The following NRG3 variants were observed in gnomAD, a reference collection of about 807,000 sequenced individuals.
NRG3 encodes the protein neuregulin 3.
A neutral mutation model predicts 66.9 loss-of-function variants in NRG3; 31 were observed. The ratio of observed to expected loss-of-function variants is 0.46; its 90% CI spans 0.35 to 0.63. The LOEUF (loss-of-function observed/expected upper bound fraction) is 0.63, where lower values mean the gene tolerates loss of function less well. Among genes scored for constraint, NRG3 ranks in the 20% least tolerant of loss-of-function variants. The pLI is 0.00. For missense variants in NRG3, 910 were observed against 878.9 expected (o/e 1.04, Z -0.45); for synonymous variants, 393 against 359.4 (o/e 1.09, Z -1.06).
chr10:82,376,980 T>A (rs2085283060), intron 2 of NRG3, among the ~76,000 whole-genome samples: 1 of 152,194 alleles, frequency 6.6e-6, no homozygotes, highest in South Asian at 2.1e-4. Context: ...ATGAATATGT[T>A]CATGACTCTT....
chr10:82,535,984 C>A (rs1847776408), intron 2 of NRG3, among the ~76,000 whole-genome samples: 1 of 150,062 alleles, frequency 6.7e-6, no homozygotes, highest in African/African-American at 2.5e-5. Flanking sequence ...CTTATTTCAT[C>A]CTGGACAATC....
intron 2 of NRG3, among the ~76,000 whole-genome samples, chr10:82,730,016 G>A (rs2057811005): frequency 1.3e-5 from 2 of 151,642 alleles, no homozygotes; most frequent in Admixed American, 1.3e-4. Flanking sequence ...TGATGAATTG[G>A]CCTCCATCTA....
intron 3 of NRG3, among the ~76,000 whole-genome samples, chr10:82,858,601 T>G (rs2063938629): frequency 6.6e-6 from 1 of 152,216 alleles, no homozygotes; most frequent in Non-Finnish European, 1.5e-5. Flanking sequence ...ATGGACTACC[T>G]CTACCTGGAG....
intron 1 of NRG3, among the ~76,000 whole-genome samples, chr10:81,906,737 A>C (rs1179557091): frequency 6.6e-6 from 1 of 152,168 alleles, no homozygotes; most frequent in Non-Finnish European, 1.5e-5. Context: ...CTTGTGTAGA[A>C]AATAGACGAG....
intron 2 of NRG3, among the ~76,000 whole-genome samples, chr10:82,698,272 A>G (rs1565213941): frequency 6.6e-6 from 1 of 152,126 alleles, no homozygotes; most frequent in Admixed American, 6.6e-5. Flanking sequence ...TGCTGACTTG[A>G]TCATGAGAAA....
intron 6 of NRG3, among the ~76,000 whole-genome samples, chr10:82,963,741 G>T (rs112104686): frequency 1.3e-5 from 2 of 152,284 alleles, no homozygotes; most frequent in African/African-American, 2.4e-5. Flanking sequence ...CTTATCCATG[G>T]TTCTTTTTAT....
chr10:82,397,023 A>T (rs2086758770), intron 2 of NRG3, among the ~76,000 whole-genome samples: 1 of 152,154 alleles, frequency 6.6e-6, no homozygotes. Flanking sequence ...CTCCAATGTC[A>T]GGAGAACTGC....
At chr10:82,655,752 A>G (rs1322654401) in intron 2 of NRG3, among the ~76,000 whole-genome samples, 1 of 152,220 alleles carries the variant, frequency 6.6e-6, no homozygotes, top group African/African-American at 2.4e-5. Context: ...AACTAGATCA[A>G]TTATCATGTG....
intron 1 of NRG3, among the ~76,000 whole-genome samples, chr10:82,155,793 T>A (rs1445880757): frequency 6.6e-6 from 1 of 151,728 alleles, no homozygotes; most frequent in African/African-American, 2.4e-5. Context: ...ATTCATTTAA[T>A]TTTCAATATT....
chr10:82,116,833 G>T (rs368519657), intron 1 of NRG3, among the ~76,000 whole-genome samples: 26 of 152,228 alleles, frequency 1.7e-4, no homozygotes, highest in African/African-American at 4.6e-4. Context: ...GATTTGAGGA[G>T]CTACTTCCAG....
chr10:82,816,025 G>T (rs1204358532), intron 3 of NRG3, among the ~76,000 whole-genome samples: 1 of 152,228 alleles, frequency 6.6e-6, no homozygotes, highest in Non-Finnish European at 1.5e-5. Flanking sequence ...ATCTGGACGA[G>T]AGGAACATGG....
intron 1 of NRG3, among the ~76,000 whole-genome samples, chr10:81,912,989 T>C (rs532906352): frequency 1.1e-3 from 163 of 152,348 alleles, no homozygotes; most frequent in Middle Eastern, 3.4e-3. Flanking sequence ...AAATCCATTG[T>C]GTAAACTTAG....
chr10:82,251,841 G>A (rs1314614450), intron 1 of NRG3, among the ~76,000 whole-genome samples: 1 of 152,126 alleles, frequency 6.6e-6, no homozygotes, highest in African/African-American at 2.4e-5. Context: ...CTTTCTGGCA[G>A]TGCAATCTCC....
At chr10:82,897,943 A>G (rs1008840385) in intron 4 of NRG3, among the ~76,000 whole-genome samples, 8 of 152,234 alleles carry the variant, frequency 5.3e-5, no homozygotes, top group African/African-American at 1.9e-4. Context: ...TACTATTAAT[A>G]TATGTTCACT....
chr10:82,243,342 G>A (rs1408982625), intron 1 of NRG3, among the ~76,000 whole-genome samples: 1 of 152,006 alleles, frequency 6.6e-6, no homozygotes, highest in African/African-American at 2.4e-5. Flanking sequence ...ATTTCTAATA[G>A]CAGAAAATAA....
chr10:81,936,295 G>A (rs1047487307), intron 1 of NRG3, among the ~76,000 whole-genome samples: 2 of 152,112 alleles, frequency 1.3e-5, no homozygotes, highest in African/African-American at 4.8e-5. Context: ...AAAAGAGTAT[G>A]GAACATTCAA....
At chr10:82,370,198 G>T (rs2084789002) in intron 2 of NRG3, among the ~76,000 whole-genome samples, 1 of 138,832 alleles carries the variant, frequency 7.2e-6, no homozygotes, top group Non-Finnish European at 1.5e-5. Context: ...CAGAAGAATT[G>T]GATCACATGC....
At chr10:82,520,840 G>A (rs965624947) in intron 2 of NRG3, among the ~76,000 whole-genome samples, 4 of 152,046 alleles carry the variant, frequency 2.6e-5, no homozygotes, top group Non-Finnish European at 4.4e-5. Flanking sequence ...AAATCCACTG[G>A]TGTTCGGGTA....
At position 82,446,214 on chromosome 10, in the gene NRG3, G is replaced by T. The variant is rs568537646; in HGVS notation, c.953+87346G>T. ...TTTGGCATCTTTCTCACAGGATCAT[G>T]CACTTTGTTCCAAAATGGAAGAAAC... On this transcript the variant is annotated intron_variant, in intron 2 of 8. Coordinates refer to ENST00000372141, the MANE Select transcript of NRG3 (RefSeq NM_001010848.4). Among the ~76,000 whole-genome samples, 4 of 152,308 alleles carry T rather than the reference G, an allele frequency of 2.6e-5. No homozygotes were observed. The South Asian group carries it at 8.3e-4, about 32-fold the overall frequency.
Sources: gnomAD v4.1 joint callset for allele counts (sites outside exome capture counted in the v4.1 genomes callset) on GRCh38, gnomAD v4.1.1 for gene constraint, MANE v1.5 for transcripts, NCBI Gene and HGNC (gene_info 2026-07-23, HGNC 2026-07-21) for gene names.